The following LRP1B variants were observed in gnomAD, a reference collection of about 807,000 sequenced individuals.
LRP1B encodes low-density lipoprotein receptor-related protein 1B.
Under a neutral mutation model 556.6 loss-of-function variants are expected in LRP1B, and 217 were observed. The ratio of observed to expected loss-of-function variants is 0.39; its 90% CI spans 0.35 to 0.44. LRP1B has a LOEUF of 0.44. Ranked by LOEUF, LRP1B falls within the 20% of genes least tolerant of loss-of-function variation. The probability of loss-of-function intolerance (pLI) is 1.00; values close to 1 mark genes in which losing one functional copy is unlikely to be tolerated. For synonymous variants in LRP1B, 2,047 were observed against 1,865.8 expected, an observed-to-expected ratio of 1.10 and a Z score of -2.50; for missense variants, 5,053 against 5,620.8, an observed-to-expected ratio of 0.90 and a Z score of 3.23.
intron 3 of LRP1B, among the ~76,000 whole-genome samples, chr2:141,393,865 G>A (rs985898096): frequency 2.6e-5 from 4 of 152,002 alleles, no homozygotes; most frequent in Non-Finnish European, 4.4e-5. Context: ...TATTTTTGAC[G>A]AATATTTCAT....
intron 2 of LRP1B, among the ~76,000 whole-genome samples, chr2:141,645,469 C>CA (rs1491137618): frequency 6.2e-5 from 3 of 48,392 alleles, no homozygotes; most frequent in African/African-American, 2.8e-4. Flanking sequence ...GAAGACAAGG[C>CA]TTTTTTTTTT....
chr2:141,469,918 T>G (rs187381127), intron 3 of LRP1B, among the ~76,000 whole-genome samples: 1 of 152,214 alleles, frequency 6.6e-6, no homozygotes, highest in Non-Finnish European at 1.5e-5. Flanking sequence ...AGAGACCACG[T>G]TTATAAAACA....
Position 140,384,513 on chromosome 2 carries a change from G to C in LRP1B, c.10531+1380C>G, listed in dbSNP as rs182723612. On this transcript the variant is annotated intron_variant, in intron 67 of 90. Transcript: ENST00000389484. Reference sequence around the variant, plus strand: ...TTTATCTTTCTAAAGACTGTGACCTGTTAGAAGATATGTATGTAAAGAGGG... The same window carrying C: ...TTTATCTTTCTAAAGACTGTGACCTCTTAGAAGATATGTATGTAAAGAGGG... 4.2e-3 allele frequency among the ~76,000 whole-genome samples: 639 copies of C among 152,274 alleles called. 3 individuals are homozygous for C. The highest frequency in any genetic ancestry group is 6.8e-3 in the Middle Eastern group (2 of 294).
At chr2:140,900,037 G>A (rs1379941312) in intron 23 of LRP1B, among the ~76,000 whole-genome samples, 1 of 151,940 alleles carries the variant, frequency 6.6e-6, no homozygotes, top group Admixed American at 6.6e-5. Context: ...CTTGTTAACT[G>A]GTCTTTGTTA....
At position 140,456,478 on chromosome 2, in the gene LRP1B, A is replaced by G. The variant is rs1573959769; in HGVS notation, c.9940T>C (p.Leu3314=). 6.2e-7 allele frequency: 1 copy of G among 1,613,310 alleles called. No homozygotes were observed. Among genetic ancestry groups the G allele is most frequent in the Non-Finnish European group, 8.5e-7 (1 of 1,179,500 alleles). ...ACCTGGCTGGCTGTGCAGTTGGATAAGCAAGTCCTATTATCAGCTGCCAGA... is the reference window on the plus strand; with the variant it reads ...ACCTGGCTGGCTGTGCAGTTGGATAGGCAAGTCCTATTATCAGCTGCCAGA... The part of the protein sequence containing the change: ...FYLAADNRTC[L]SNCTASQFRC... Residue 3314 remains leucine (L), a synonymous_variant, in exon 62 of 91, where the codon TTA becomes CTA. Coordinates refer to ENST00000389484, the MANE Select transcript of LRP1B (RefSeq NM_018557.3).
intron 6 of LRP1B, among the ~76,000 whole-genome samples, chr2:141,217,606 T>G (rs1682867494): frequency 6.6e-6 from 1 of 152,126 alleles, no homozygotes; most frequent in Admixed American, 6.6e-5. Context: ...GATTAAAAAT[T>G]TAAATGTAAT....
chr2:140,467,810 G>A (rs1237777662), intron 60 of LRP1B, among the ~76,000 whole-genome samples: 1 of 152,090 alleles, frequency 6.6e-6, no homozygotes, highest in Non-Finnish European at 1.5e-5. Flanking sequence ...TAAGTAAAGT[G>A]TTAAAGGAGG....
chr2:141,843,062 A>G (rs1697531663), intron 1 of LRP1B, among the ~76,000 whole-genome samples: 1 of 152,094 alleles, frequency 6.6e-6, no homozygotes, highest in South Asian at 2.1e-4. Context: ...GAGACCTTTT[A>G]GTAGTTTTAG....
intron 6 of LRP1B, among the ~76,000 whole-genome samples, chr2:141,212,280 T>G (rs1341122001): frequency 5.0e-5 from 4 of 80,622 alleles, no homozygotes; most frequent in African/African-American, 1.5e-4. Context: ...TTTTTTTTTT[T>G]TTTTTTTTTT....
At chr2:140,708,231 T>G (rs1686909097) in intron 37 of LRP1B, among the ~76,000 whole-genome samples, 1 of 152,066 alleles carries the variant, frequency 6.6e-6, no homozygotes, top group Non-Finnish European at 1.5e-5. Context: ...AAAAGTTGTC[T>G]TTCCTGTAAA....
intron 7 of LRP1B, among the ~76,000 whole-genome samples, chr2:141,111,935 G>A (rs1028960038): frequency 4.0e-5 from 6 of 151,864 alleles, no homozygotes; most frequent in Non-Finnish European, 7.4e-5. Flanking sequence ...AGTCCCAGCT[G>A]CTGGGGGTGC....
intron 3 of LRP1B, among the ~76,000 whole-genome samples, chr2:141,439,362 G>T (rs1445907503): frequency 1.3e-5 from 2 of 151,900 alleles, no homozygotes. Flanking sequence ...GAAGTGAAAT[G>T]AATTTTTTTA....
In LRP1B at chr2:141,137,484, A is replaced by T. The variant is rs1384361447; in HGVS notation, c.1013+50937T>A. On this transcript the variant is annotated intron_variant, in intron 7 of 90. Transcript: ENST00000389484. ...GCTTGCCTTAATATTGAAAGATTGAAGTTAAAGGAAAGAAAAGGCTACAAA... is the reference window on the plus strand; with the variant it reads ...GCTTGCCTTAATATTGAAAGATTGATGTTAAAGGAAAGAAAAGGCTACAAA... Among the ~76,000 whole-genome samples the T allele has an allele frequency of 2.0e-5, 3 of 152,066 alleles. No homozygotes were observed. The East Asian group carries it at 5.8e-4, about 29-fold the overall frequency.
At chr2:140,461,861 T>C (rs74537402) in intron 60 of LRP1B, among the ~76,000 whole-genome samples, 1,862 of 152,090 alleles carry the variant, frequency 0.012, 36 homozygotes, top group African/African-American at 0.042. Flanking sequence ...TAAAAGGTTA[T>C]AAAGTCTTTA....
At chr2:140,322,479 T>C (rs1412958870) in intron 81 of LRP1B, among the ~76,000 whole-genome samples, 1 of 151,996 alleles carries the variant, frequency 6.6e-6, no homozygotes, top group East Asian at 1.9e-4. Flanking sequence ...CAACAGCTTA[T>C]TTATTTTACA....
Position 141,180,347 on chromosome 2 carries a change from T to TAAAA in LRP1B, c.1013+8070_1013+8073dup, listed in dbSNP as rs3063854. Among the ~76,000 whole-genome samples, 96 of 147,172 alleles carry TAAAA rather than the reference T, an allele frequency of 6.5e-4. 1 individual carries two copies. Among genetic ancestry groups the TAAAA allele is most frequent in the Admixed American group, 2.5e-3 (36 of 14,608 alleles). ...ATCTGCTTGTTTTCATAGAACTCCA[T>TAAAA]AAAAAAAAAAACAACTAGAAATAAT... is the stretch of plus-strand genomic sequence containing the variant. On this transcript the variant is annotated intron_variant, in intron 7 of 90. Transcript: ENST00000389484.
At chr2:140,537,608 T>A (rs1039344376) in intron 45 of LRP1B, among the ~76,000 whole-genome samples, 19 of 152,016 alleles carry the variant, frequency 1.2e-4, no homozygotes, top group African/African-American at 4.6e-4. Context: ...CAGGAATCAG[T>A]GGGATGAGGT....
At chr2:140,720,270 A>G (rs1159944473) in intron 35 of LRP1B, among the ~76,000 whole-genome samples, 1 of 152,032 alleles carries the variant, frequency 6.6e-6, no homozygotes, top group Non-Finnish European at 1.5e-5. Context: ...AAAATTAAAA[A>G]TAAACTATCT....
At chr2:141,757,448 T>G (rs1694363681) in intron 2 of LRP1B, among the ~76,000 whole-genome samples, 1 of 152,130 alleles carries the variant, frequency 6.6e-6, no homozygotes, top group Non-Finnish European at 1.5e-5. Flanking sequence ...CACACTAATG[T>G]TTGAGTAATA....
Sources: gnomAD v4.1 joint callset for allele counts (sites outside exome capture counted in the v4.1 genomes callset) on GRCh38, gnomAD v4.1.1 for gene constraint, MANE v1.5 for transcripts, NCBI Gene and HGNC (gene_info 2026-07-23, HGNC 2026-07-21) for gene names.